Variants in PLCL2 observed in about 807,000 individuals in gnomAD.
The protein encoded by PLCL2 is inactive phospholipase C-like protein 2.
In PLCL2, 4 loss-of-function variants were observed where a neutral mutation model predicts 79.6. The observed-to-expected ratio is 0.05, with a 90% CI of 0.02 to 0.11. The LOEUF (loss-of-function observed/expected upper bound fraction) is 0.11. Ranked by LOEUF, PLCL2 falls within the 10% of genes least tolerant of loss-of-function variation. The probability of loss-of-function intolerance (pLI) is 1.00; values close to 1 mark genes in which losing one functional copy is unlikely to be tolerated. For synonymous variants in PLCL2, 484 were observed against 457.7 expected (o/e 1.06, Z -0.73); for missense variants, 895 against 1,291.0 (o/e 0.69, Z 4.70).
At chr3:16,918,192 C>G (rs1697041454) in intron 1 of PLCL2, among the ~76,000 whole-genome samples, 1 of 152,130 alleles carries the variant, frequency 6.6e-6, no homozygotes, top group Non-Finnish European at 1.5e-5. Flanking sequence ...TAAGGAAGAA[C>G]AGATTATCAC....
chr3:16,942,977 A>C (rs2063565091), intron 1 of PLCL2, among the ~76,000 whole-genome samples: 1 of 152,168 alleles, frequency 6.6e-6, no homozygotes, highest in African/African-American at 2.4e-5. Context: ...GAGCTCAATA[A>C]TTGTTTGTTG....
In PLCL2 at chr3:17,090,052, A is replaced by G; in HGVS notation, c.*140A>G. On this transcript the variant is annotated 3_prime_UTR_variant, in exon 6 of 6. Coordinates refer to ENST00000615277, the MANE Select transcript of PLCL2 (RefSeq NM_001144382.2). Reference sequence around the variant, plus strand: ...CTGGAATAGCTAATTACAGTCTATTAAAACTGTGAATGTATGTAGCAATCC... The same window carrying G: ...CTGGAATAGCTAATTACAGTCTATTGAAACTGTGAATGTATGTAGCAATCC... The G allele has an allele frequency of 7.2e-7, 1 of 1,398,590 alleles. No homozygotes were observed. Among genetic ancestry groups the G allele is most frequent in the Non-Finnish European group, 9.3e-7 (1 of 1,074,118 alleles). The allele number at this position is 1,398,590 out of a possible 1,614,324, so 86.6% of individuals were successfully genotyped here.
intron 5 of PLCL2, 151 bp downstream of exon 5, chr3:17,068,216 A>G (rs1370335413): frequency 1.8e-6 from 1 of 557,372 alleles, no homozygotes; most frequent in Non-Finnish European, 3.2e-6. Context: ...CTGCCCTTCT[A>G]GAGTCTGTAG....
chr3:16,982,982 C>G (rs1244808855), intron 1 of PLCL2, among the ~76,000 whole-genome samples: 1 of 151,964 alleles, frequency 6.6e-6, no homozygotes, highest in African/African-American at 2.4e-5. Flanking sequence ...CATTAGTGGG[C>G]TTTTGTTTTG....
intron 3 of PLCL2, among the ~76,000 whole-genome samples, chr3:17,027,388 A>G (rs551442407): frequency 6.6e-6 from 1 of 152,168 alleles, no homozygotes; most frequent in Non-Finnish European, 1.5e-5. Context: ...TTGGAGAACA[A>G]CCACCTCCAT....
rs115183342 is a variant in PLCL2, at chr3:17,007,929, G to T, written c.328-1745G>T. 5.3e-3 allele frequency among the ~76,000 whole-genome samples: 801 copies of T among 152,108 alleles called. 3 individuals carry two copies. The highest frequency in any genetic ancestry group is 8.6e-3 in the Non-Finnish European group (587 of 68,002). On this transcript the variant is annotated intron_variant, in intron 1 of 5. Transcript: ENST00000615277. ...ACTGAAAGGCAGTATCATCTTTTAG[G>T]TTTAAAATTGTGAAAGATCTTTTGA...
chr3:17,012,893 G>GT (rs1491502954), intron 2 of PLCL2, among the ~76,000 whole-genome samples: 1 of 152,092 alleles, frequency 6.6e-6, no homozygotes, highest in African/African-American at 2.4e-5. Context: ...GTGAGAAGTG[G>GT]TGTGTGTGTG....
At chr3:16,889,913 G>C (rs1386942004) in intron 1 of PLCL2, among the ~76,000 whole-genome samples, 1 of 152,104 alleles carries the variant, frequency 6.6e-6, no homozygotes. Context: ...CGCATGCCCA[G>C]CAAACCTGTG....
chr3:16,899,446 G>T (rs995318248), intron 1 of PLCL2, among the ~76,000 whole-genome samples: 2 of 152,174 alleles, frequency 1.3e-5, no homozygotes, highest in South Asian at 2.1e-4. Flanking sequence ...CTGTGCAGAA[G>T]TTCACACCAG....
At chr3:16,896,304 G>C (rs1696478226) in intron 1 of PLCL2, among the ~76,000 whole-genome samples, 1 of 152,118 alleles carries the variant, frequency 6.6e-6, no homozygotes, top group Non-Finnish European at 1.5e-5. Context: ...GCCTGGAGAG[G>C]GGGTGGGTGG....
At chr3:16,935,376 GTTTT>G (rs1697515142) in intron 1 of PLCL2, among the ~76,000 whole-genome samples, 1 of 152,076 alleles carries the variant, frequency 6.6e-6, no homozygotes, top group South Asian at 2.1e-4. Flanking sequence ...TGATCAGAAA[GTTTT>G]TTAATGTAAT....
At chr3:17,019,066 C>G (rs2064416788) in intron 3 of PLCL2, among the ~76,000 whole-genome samples, 1 of 152,010 alleles carries the variant, frequency 6.6e-6, no homozygotes. Flanking sequence ...TTTGAATCTT[C>G]AAAGGAGAGA....
chr3:16,933,810 G>A (rs1268130699), intron 1 of PLCL2, among the ~76,000 whole-genome samples: 1 of 152,066 alleles, frequency 6.6e-6, no homozygotes, highest in Non-Finnish European at 1.5e-5. Context: ...GCTCATGTCT[G>A]TAATCCCAGC....
chr3:16,937,396 TAG>T (rs1279214327), intron 1 of PLCL2, among the ~76,000 whole-genome samples: 1 of 152,220 alleles, frequency 6.6e-6, no homozygotes, highest in Non-Finnish European at 1.5e-5. Context: ...GGTTATTTTC[TAG>T]AGAGACTGAT....
intron 5 of PLCL2, chr3:17,081,529 C>T (rs561261346): frequency 4.2e-6 from 1 of 235,752 alleles, no homozygotes; most frequent in East Asian, 1.2e-4. Flanking sequence ...TGAATAAAAG[C>T]AATGACTTGT....
chr3:17,025,058 G>C (rs59597665), intron 3 of PLCL2, among the ~76,000 whole-genome samples: 2 of 152,158 alleles, frequency 1.3e-5, no homozygotes, highest in Non-Finnish European at 2.9e-5. Context: ...AATTTAATTA[G>C]TTGTCCTAAT....
rs149042088 is a variant in PLCL2, at chr3:16,894,572, G to A, written c.327+9206G>A. On this transcript the variant is annotated intron_variant, in intron 1 of 5. Coordinates refer to ENST00000615277, the MANE Select transcript of PLCL2 (RefSeq NM_001144382.2). ...CACCTACCAGGTTATATGAATGCTAGGTGCTCTAAATGCACACATTTGGTA... is the reference window on the plus strand; with the variant it reads ...CACCTACCAGGTTATATGAATGCTAAGTGCTCTAAATGCACACATTTGGTA... Among the ~76,000 whole-genome samples, 87 of 152,266 alleles carry A rather than the reference G, an allele frequency of 5.7e-4. 2 individuals are homozygous for A. The East Asian group carries it at 0.017, about 29-fold the overall frequency.
At chr3:17,026,158 T>A (rs2064515192) in intron 3 of PLCL2, among the ~76,000 whole-genome samples, 1 of 152,194 alleles carries the variant, frequency 6.6e-6, no homozygotes, top group Admixed American at 6.5e-5. Context: ...TTATCAGGAA[T>A]AAAAATAGCA....
chr3:16,988,630 G>T (rs1355264302), intron 1 of PLCL2, among the ~76,000 whole-genome samples: 1 of 151,980 alleles, frequency 6.6e-6, no homozygotes, highest in Non-Finnish European at 1.5e-5. Context: ...GGCTGTGTCT[G>T]TACTGCAGTT....
Sources: allele counts gnomAD v4.1 joint callset (sites outside exome capture counted in the v4.1 genomes callset), GRCh38; gene constraint gnomAD v4.1.1; transcripts MANE v1.5; gene names NCBI Gene and HGNC (gene_info 2026-07-23, HGNC 2026-07-21).